The following PRKCE variants were observed in gnomAD, a reference collection of about 807,000 sequenced individuals.
PRKCE encodes protein kinase C epsilon.
Under a neutral mutation model 85.4 loss-of-function variants are expected in PRKCE, and 16 were observed. The ratio of observed to expected loss-of-function variants is 0.19; its 90% CI spans 0.13 to 0.28. PRKCE has a LOEUF of 0.28. Among genes scored for constraint, PRKCE ranks in the 10% least tolerant of loss-of-function variants. PRKCE has a pLI of 1.00. For missense variants in PRKCE, 573 were observed against 975.2 expected, an observed-to-expected ratio of 0.59 and a Z score of 5.49; for synonymous variants, 388 against 371.5, an observed-to-expected ratio of 1.04 and a Z score of -0.51.
chr2:45,882,479 G>A (rs922365208), intron 2 of PRKCE, among the ~76,000 whole-genome samples: 1 of 152,114 alleles, frequency 6.6e-6, no homozygotes, highest in African/African-American at 2.4e-5. Context: ...TCCATTGCTG[G>A]GATTGACAAA....
At chr2:46,176,109 C>T (rs2104690176) in intron 14 of PRKCE, among the ~76,000 whole-genome samples, 1 of 152,206 alleles carries the variant, frequency 6.6e-6, no homozygotes, top group South Asian at 2.1e-4. Flanking sequence ...AAAAGCAGAC[C>T]TGTTATTTTG....
chr2:46,034,525 A>C (rs1235867034), intron 10 of PRKCE, among the ~76,000 whole-genome samples: 2 of 152,110 alleles, frequency 1.3e-5, no homozygotes, highest in African/African-American at 4.8e-5. Flanking sequence ...AATCCTTCAA[A>C]CCTCAAGCAA....
At chr2:45,790,147 C>T (rs1353872096) in intron 1 of PRKCE, among the ~76,000 whole-genome samples, 2 of 152,088 alleles carry the variant, frequency 1.3e-5, no homozygotes, top group Non-Finnish European at 2.9e-5. Flanking sequence ...TATTGTCTAC[C>T]GTGCATTTTG....
intron 14 of PRKCE, among the ~76,000 whole-genome samples, chr2:46,176,796 G>C (rs1185233572): frequency 1.3e-5 from 2 of 152,198 alleles, no homozygotes; most frequent in Non-Finnish European, 2.9e-5. Context: ...CTCTGGTCCT[G>C]ATCCTGTGCT....
intron 2 of PRKCE, among the ~76,000 whole-genome samples, chr2:45,974,154 A>G (rs1401660008): frequency 6.6e-6 from 1 of 152,226 alleles, no homozygotes. Flanking sequence ...GTTCTTGCTT[A>G]TGAAAATAGT....
chr2:45,909,650 T>C (rs868815155), intron 2 of PRKCE, among the ~76,000 whole-genome samples: 37 of 152,238 alleles, frequency 2.4e-4, no homozygotes, highest in African/African-American at 8.7e-4. Context: ...TTATTCTTCC[T>C]CATCCCCTAC....
intron 1 of PRKCE, among the ~76,000 whole-genome samples, chr2:45,784,470 A>G (rs1021701589): frequency 1.3e-5 from 2 of 152,216 alleles, no homozygotes. Flanking sequence ...AATCAGTGCT[A>G]TAATCAGCTT....
intron 1 of PRKCE, among the ~76,000 whole-genome samples, chr2:45,714,634 G>A (rs189371596): frequency 7.2e-5 from 11 of 152,312 alleles, no homozygotes; most frequent in African/African-American, 2.6e-4. Context: ...CCTCGTGAAA[G>A]GTCCTCTTGG....
intron 11 of PRKCE, among the ~76,000 whole-genome samples, chr2:46,112,645 A>T (rs973174696): frequency 8.6e-5 from 13 of 151,916 alleles, no homozygotes; most frequent in Admixed American, 8.5e-4. Context: ...CAGCCACCCC[A>T]AGTAGCTGGG....
At chr2:45,819,046 G>A (rs1329915235) in intron 1 of PRKCE, among the ~76,000 whole-genome samples, 2 of 152,192 alleles carry the variant, frequency 1.3e-5, no homozygotes, top group Non-Finnish European at 2.9e-5. Context: ...GGTATTGAGA[G>A]TGAGGCATTT....
rs1705319527 is a variant in PRKCE at position 46,007,627 on chromosome 2, T to G, written c.1229T>G (p.Phe410Cys). Residue 410 changes from phenylalanine to cysteine, a missense_variant, in exon 9 of 15, where the codon TTC becomes TGC. Coordinates refer to ENST00000306156, the MANE Select transcript of PRKCE (RefSeq NM_005400.3). ...AKRLGLDEFN[F>C]IKVLGKGSFG... Reference sequence around the variant, plus strand: ...CGCCTGGGCCTGGATGAGTTCAACTTCATCAAGGTGTTGGGCAAAGGCAGC... The same window carrying G: ...CGCCTGGGCCTGGATGAGTTCAACTGCATCAAGGTGTTGGGCAAAGGCAGC... 1 of 1,599,670 alleles carries G rather than the reference T, an allele frequency of 6.3e-7. No individual in the cohort carries two copies.
At chr2:45,776,033 A>G (rs555132892) in intron 1 of PRKCE, among the ~76,000 whole-genome samples, 189 of 152,248 alleles carry the variant, frequency 1.2e-3, no homozygotes, top group African/African-American at 4.2e-3. Flanking sequence ...TGAATACTCT[A>G]CTTAAAACCG....
At chr2:45,771,099 G>C (rs1305943220) in intron 1 of PRKCE, among the ~76,000 whole-genome samples, 1 of 152,182 alleles carries the variant, frequency 6.6e-6, no homozygotes, top group Non-Finnish European at 1.5e-5. Flanking sequence ...CCAGTGTTTA[G>C]AGGGGCTGCA....
intron 11 of PRKCE, among the ~76,000 whole-genome samples, chr2:46,095,277 A>G (rs1670573694): frequency 6.6e-6 from 1 of 152,154 alleles, no homozygotes; most frequent in Non-Finnish European, 1.5e-5. Context: ...CTAAAGGGAG[A>G]CGGCCTGGTG....
At chr2:45,813,352 G>T (rs1479417429) in intron 1 of PRKCE, among the ~76,000 whole-genome samples, 3 of 152,210 alleles carry the variant, frequency 2.0e-5, no homozygotes, top group Non-Finnish European at 4.4e-5. Context: ...GAAAGGGCAT[G>T]CTGGGGTTAA....
intron 1 of PRKCE, among the ~76,000 whole-genome samples, chr2:45,662,594 G>A (rs902466787): frequency 2.0e-5 from 3 of 151,984 alleles, no homozygotes; most frequent in African/African-American, 4.8e-5. Flanking sequence ...TACATTCTGG[G>A]CCTTGGCTAC....
intron 1 of PRKCE, among the ~76,000 whole-genome samples, chr2:45,681,983 C>T (rs531154562): frequency 6.6e-6 from 1 of 152,310 alleles, no homozygotes. Context: ...GTTCTCCTCG[C>T]CATTCAAATT....
intron 1 of PRKCE, among the ~76,000 whole-genome samples, chr2:45,704,132 C>T (rs534350043): frequency 6.6e-5 from 10 of 152,348 alleles, no homozygotes; most frequent in Non-Finnish European, 1.3e-4. Flanking sequence ...TGGCAGGGAG[C>T]AGCATATAGT....
chr2:46,150,389 G>A (rs554836506), intron 12 of PRKCE, among the ~76,000 whole-genome samples: 2 of 152,286 alleles, frequency 1.3e-5, no homozygotes, highest in South Asian at 4.1e-4. Flanking sequence ...GTAGAGGCAG[G>A]CAAAGTGGGG....
Sources: gnomAD v4.1 joint callset for allele counts (sites outside exome capture counted in the v4.1 genomes callset) on GRCh38, gnomAD v4.1.1 for gene constraint, MANE v1.5 for transcripts, NCBI Gene and HGNC (gene_info 2026-07-23, HGNC 2026-07-21) for gene names.